Variants in TUBA1C observed in about 807,000 individuals in gnomAD.
The protein encoded by TUBA1C is tubulin alpha 1c.
Under a neutral mutation model 34.9 loss-of-function variants are expected in TUBA1C, and 16 were observed. The ratio of observed to expected loss-of-function variants is 0.46; its 90% CI spans 0.31 to 0.70. The LOEUF (loss-of-function observed/expected upper bound fraction) is 0.70, where lower values mean the gene tolerates loss of function less well. TUBA1C is among the 30% of genes least tolerant of loss of function. TUBA1C has a pLI of 0.05. For synonymous variants in TUBA1C, 177 were observed against 215.9 expected (o/e 0.82, Z 1.58); for missense variants, 329 against 587.3 (o/e 0.56, Z 4.55).
intron 1 of TUBA1C, among the ~76,000 whole-genome samples, chr12:49,244,323 T>C (rs2136996461): frequency 6.6e-6 from 1 of 152,256 alleles, no homozygotes; most frequent in South Asian, 2.1e-4. Flanking sequence ...TCTCCATCTT[T>C]TACCACAAAA....
rs143389611 is a variant in TUBA1C at position 49,273,888 on chromosome 12, G to A, written c.*661G>A. On this transcript the variant is annotated 3_prime_UTR_variant, in exon 4 of 4. Transcript: ENST00000301072. ...GGGTGGATCACGAGCCCAGGAATTCGAGACCAGCCTGGGCAACATGGTGAA... is the reference window on the plus strand; with the variant it reads ...GGGTGGATCACGAGCCCAGGAATTCAAGACCAGCCTGGGCAACATGGTGAA... The A allele has an allele frequency of 3.3e-3, 511 of 155,146 alleles. 2 individuals are homozygous for A. The highest frequency in any genetic ancestry group is 0.011 in the African/African-American group (474 of 41,526). 9.6% of individuals were successfully genotyped at this position (155,146 alleles called of 1,614,324 possible). A position where few individuals can be genotyped will look rare whatever the true frequency, so the allele number is the denominator to read the frequency against.
intron 1 of TUBA1C, among the ~76,000 whole-genome samples, chr12:49,237,701 G>A (rs534459545): frequency 1.5e-4 from 22 of 149,532 alleles, no homozygotes; most frequent in African/African-American, 4.7e-4. Flanking sequence ...GTATGATCGC[G>A]CCACTGCACT....
At chr12:49,261,428 C>T (rs558775248), upstream of TUBA1C, among the ~76,000 whole-genome samples, 55 of 152,122 alleles carry the variant, frequency 3.6e-4, no homozygotes, top group African/African-American at 1.3e-3. Flanking sequence ...TGAGGAAGAA[C>T]CTAGAATAAA....
At chr12:49,264,990 C>A (rs1206600908), upstream of TUBA1C, 2 of 776,672 alleles carry the variant, frequency 2.6e-6, no homozygotes, top group African/African-American at 1.8e-5. Flanking sequence ...AAGGTGGGGC[C>A]GCAGCGGCAC....
At chr12:49,236,186 T>C (rs1186282724) in intron 1 of TUBA1C, among the ~76,000 whole-genome samples, 1 of 152,260 alleles carries the variant, frequency 6.6e-6, no homozygotes, top group Non-Finnish European at 1.5e-5. Flanking sequence ...GATTTTTCTA[T>C]TTAGAAGACT....
chr12:49,246,687 G>A (rs1942673047), intron 1 of TUBA1C, among the ~76,000 whole-genome samples: 1 of 152,060 alleles, frequency 6.6e-6, no homozygotes, highest in African/African-American at 2.4e-5. Flanking sequence ...AGAGAAAATG[G>A]CCTGAACTTT....
intron 1 of TUBA1C, among the ~76,000 whole-genome samples, chr12:49,234,676 G>A (rs1399107756): frequency 1.3e-5 from 2 of 152,280 alleles, no homozygotes; most frequent in African/African-American, 4.8e-5. Flanking sequence ...GCGGCCCGGC[G>A]AGCGCGCCCC....
intron 1 of TUBA1C, among the ~76,000 whole-genome samples, chr12:49,256,954 T>A (rs928608351): frequency 9.9e-5 from 15 of 150,960 alleles, no homozygotes; most frequent in East Asian, 5.9e-4. Context: ...CTGAGGCGGG[T>A]GGATTACCTG....
chr12:49,245,992 C>T (rs1429950950), intron 1 of TUBA1C, among the ~76,000 whole-genome samples: 3 of 152,148 alleles, frequency 2.0e-5, no homozygotes, highest in Non-Finnish European at 2.9e-5. Context: ...GCAACCTCAG[C>T]GTCCCAAGTT....
chr12:49,250,352 G>A (rs1303860616), intron 1 of TUBA1C, among the ~76,000 whole-genome samples: 7 of 151,494 alleles, frequency 4.6e-5, no homozygotes, highest in South Asian at 2.1e-4. Context: ...ATGAAACCCC[G>A]TCTCTACTAA....
intron 1 of TUBA1C, among the ~76,000 whole-genome samples, chr12:49,247,280 G>A (rs891081585): frequency 2.6e-5 from 4 of 151,832 alleles, no homozygotes; most frequent in Admixed American, 2.6e-4. Context: ...AAACCCGCCG[G>A]ACTTGGTGGC....
Position 49,273,363 on chromosome 12 carries a change from G to T in TUBA1C, c.*136G>T. The T allele has an allele frequency of 6.6e-7, 1 of 1,522,650 alleles. No individual in the cohort carries two copies. Among genetic ancestry groups the T allele is most frequent in the Middle Eastern group, 1.9e-4 (1 of 5,178 alleles). 94.3% of individuals were successfully genotyped at this position (1,522,650 alleles called of 1,614,324 possible). A position where few individuals can be genotyped will look rare whatever the true frequency, so the allele number is the denominator to read the frequency against. ...CGAGCTGACTTAAATACTTGATCCA[G>T]TTAAAGTTGGATGTATGAGGCTGGT... On this transcript the variant is annotated 3_prime_UTR_variant, in exon 4 of 4. Coordinates refer to ENST00000301072, the MANE Select transcript of TUBA1C (RefSeq NM_032704.5).
At chr12:49,270,411 T>C (rs1224351943) in intron 3 of TUBA1C, among the ~76,000 whole-genome samples, 5 of 152,152 alleles carry the variant, frequency 3.3e-5, no homozygotes, top group Admixed American at 6.6e-5. Context: ...GTCGGGAGCT[T>C]CCTTATGAAG....
At chr12:49,263,774 A>C (rs1942864698), upstream of TUBA1C, among the ~76,000 whole-genome samples, 1 of 152,248 alleles carries the variant, frequency 6.6e-6, no homozygotes, top group Non-Finnish European at 1.5e-5. Context: ...AAACCTTGGC[A>C]GAGATGGTCA....
chr12:49,230,369 G>A (rs975507394), intron 1 of TUBA1C, among the ~76,000 whole-genome samples: 1 of 152,124 alleles, frequency 6.6e-6, no homozygotes, highest in Non-Finnish European at 1.5e-5. Context: ...GGTGAGACAC[G>A]CCCACGCCAG....
chr12:49,271,060 A>G (rs1192823806), intron 3 of TUBA1C, among the ~76,000 whole-genome samples: 1 of 152,248 alleles, frequency 6.6e-6, no homozygotes, highest in Admixed American at 6.5e-5. Context: ...CTTTAGGACA[A>G]ATAAACCTAG....
Position 49,272,518 on chromosome 12 carries a change from G to A in TUBA1C, c.641G>A (p.Arg214His), listed in dbSNP as rs371063872. 23 of 1,609,082 alleles carry A rather than the reference G, an allele frequency of 1.4e-5. No individual in the cohort carries two copies. The highest frequency in any genetic ancestry group is 4.4e-5 in the South Asian group (4 of 90,902). Residue 214 changes from arginine to histidine, a missense_variant, in exon 4 of 4, where the codon CGT (arginine) becomes CAT (histidine). By Grantham distance (29) the Arg-to-His change is conservative. This residue lies in a region of TUBA1C where 140 missense variants were observed against 289.8 expected (regional missense o/e 0.48). Coordinates refer to ENST00000301072, the MANE Select transcript of TUBA1C (RefSeq NM_032704.5). Reference protein sequence around the residue: ...VDNEAIYDICRRNLDIERPTY... With the variant: ...VDNEAIYDICHRNLDIERPTY... ...AATGAGGCCATCTATGACATCTGTC[G>A]TAGAAACCTCGATATCGAGCGCCCA... is the stretch of plus-strand genomic sequence containing the variant.
chr12:49,263,497 C>T (rs908359067), upstream of TUBA1C, among the ~76,000 whole-genome samples: 4 of 152,066 alleles, frequency 2.6e-5, no homozygotes, highest in South Asian at 2.1e-4. Context: ...AAAATCTCTA[C>T]ACATATGTTC....
At chr12:49,248,564 A>T (rs1329121080) in intron 1 of TUBA1C, among the ~76,000 whole-genome samples, 1 of 132,692 alleles carries the variant, frequency 7.5e-6, no homozygotes, top group East Asian at 2.7e-4. Context: ...CTGTCTCAGA[A>T]AAAAAAAAAA....
Sources: allele counts gnomAD v4.1 joint callset (sites outside exome capture counted in the v4.1 genomes callset), GRCh38; gene constraint gnomAD v4.1.1; regional missense constraint gnomAD v4.1.1; transcripts MANE v1.5; gene names NCBI Gene and HGNC (gene_info 2026-07-23, HGNC 2026-07-21).